The following DMD variants were observed in gnomAD, a reference collection of about 807,000 sequenced individuals.
The protein encoded by DMD is dystrophin.
In DMD, 63 loss-of-function variants were observed where a neutral mutation model predicts 330.1. The ratio of observed to expected loss-of-function variants is 0.19; its 90% CI spans 0.16 to 0.24. The LOEUF (loss-of-function observed/expected upper bound fraction) is 0.24, where lower values mean the gene tolerates loss of function less well. Among genes scored for constraint, DMD ranks in the 10% least tolerant of loss-of-function variants. DMD has a pLI of 1.00. For synonymous variants in DMD, 1,223 were observed against 959.8 expected, an observed-to-expected ratio of 1.27 and a Z score of -5.07; for missense variants, 3,344 against 2,684.1, an observed-to-expected ratio of 1.25 and a Z score of -5.43.
At chrX:32,358,730 G>T (rs780171009) in intron 37 of DMD, among the ~76,000 whole-genome samples, 1 of 111,020 alleles carries the variant, frequency 9.0e-6, no homozygotes, top group Non-Finnish European at 1.9e-5. Context: ...GACTCCAGTC[G>T]ATTACAGCAG....
chrX:32,089,334 C>T, intron 44 of DMD, among the ~76,000 whole-genome samples: 1 of 111,644 alleles, frequency 9.0e-6, no homozygotes, highest in Middle Eastern at 4.6e-3. Flanking sequence ...GTTTGCTATA[C>T]AGGTGAACTG....
chrX:31,984,337 G>A (rs1321415947), intron 44 of DMD, among the ~76,000 whole-genome samples: 1 of 112,220 alleles, frequency 8.9e-6, no homozygotes, highest in Non-Finnish European at 1.9e-5. Flanking sequence ...TTGTAAAGCT[G>A]CTATATTAGA....
At chrX:31,620,406 A>G (rs972402660) in intron 55 of DMD, among the ~76,000 whole-genome samples, 1 of 108,347 alleles carries the variant, frequency 9.2e-6, no homozygotes, top group Non-Finnish European at 1.9e-5. Context: ...TACTTTTTCC[A>G]TGACATAATT....
intron 1 of DMD, among the ~76,000 whole-genome samples, chrX:33,296,755 T>C (rs2053590158): frequency 9.0e-6 from 1 of 111,039 alleles, no homozygotes; most frequent in Non-Finnish European, 1.9e-5. Context: ...AACATATACA[T>C]AGCCCATATG....
chrX:32,059,146 TA>T (rs967811350), intron 44 of DMD, among the ~76,000 whole-genome samples: 2 of 111,086 alleles, frequency 1.8e-5, no homozygotes, highest in Admixed American at 9.6e-5. Flanking sequence ...CATGTAGGGT[TA>T]AAAAAATTAT....
rs759753860 is a variant in DMD at position 32,410,341 on chromosome X, C to A, written c.4233+1411G>T. On this transcript the variant is annotated intron_variant, in intron 30 of 78. Coordinates refer to ENST00000357033, the MANE Select transcript of DMD (RefSeq NM_004006.3). ...ATGCACTCCATAAGGAAATAATATT[C>A]CCTGGACTTTTTAAGCCTATCAAAA... Among the ~76,000 whole-genome samples the A allele has an allele frequency of 1.3e-4, 14 of 111,412 alleles. No individual in the cohort carries two copies. The South Asian group carries it at 4.5e-3, about 36-fold the overall frequency.
chrX:31,620,007 T>TG (rs964755130), intron 55 of DMD, among the ~76,000 whole-genome samples: 1 of 112,392 alleles, frequency 8.9e-6, no homozygotes, highest in Admixed American at 9.4e-5. Flanking sequence ...TTGTCCCCAT[T>TG]GACTCCCTTT....
At chrX:31,899,158 G>C in intron 47 of DMD, among the ~76,000 whole-genome samples, 1 of 111,755 alleles carries the variant, frequency 8.9e-6, no homozygotes, top group Non-Finnish European at 1.9e-5. Flanking sequence ...AAACTTTTAA[G>C]ATATGACCTT....
intron 38 of DMD, among the ~76,000 whole-genome samples, chrX:32,346,396 G>T (rs886656295): frequency 1.8e-5 from 2 of 111,131 alleles, no homozygotes; most frequent in Non-Finnish European, 3.8e-5. Context: ...CTTTTTTAGT[G>T]TAGTTCTAGA....
intron 3 of DMD, among the ~76,000 whole-genome samples, chrX:32,848,957 T>C (rs1365691424): frequency 9.0e-6 from 1 of 111,058 alleles, no homozygotes; most frequent in African/African-American, 3.3e-5. Flanking sequence ...AACGACAGCT[T>C]CAGTTTGTAT....
At chrX:33,189,925 C>T (rs767425023) in intron 1 of DMD, among the ~76,000 whole-genome samples, 1 of 112,073 alleles carries the variant, frequency 8.9e-6, no homozygotes, top group East Asian at 2.8e-4. Flanking sequence ...GTACATTTTA[C>T]TCAACTTCTA....
chrX:31,609,066 G>A (rs759706302), intron 55 of DMD, among the ~76,000 whole-genome samples: 1 of 112,153 alleles, frequency 8.9e-6, no homozygotes, highest in Non-Finnish European at 1.9e-5. Context: ...CGTGCTAGAT[G>A]ATTGTTATGT....
At chrX:31,551,049 G>A (rs187294351) in intron 55 of DMD, among the ~76,000 whole-genome samples, 8 of 110,315 alleles carry the variant, frequency 7.3e-5, no homozygotes, top group East Asian at 5.7e-4. Flanking sequence ...GTGTGGTGGC[G>A]CATGCCTGTA....
At chrX:32,346,304 G>T (rs985586184) in intron 38 of DMD, among the ~76,000 whole-genome samples, 2 of 111,338 alleles carry the variant, frequency 1.8e-5, no homozygotes, top group Non-Finnish European at 3.8e-5. Context: ...CACATTTTTA[G>T]GGGCACCTGT....
intron 63 of DMD, among the ~76,000 whole-genome samples, chrX:31,258,832 T>C (rs1176788171): frequency 1.8e-5 from 2 of 111,565 alleles, no homozygotes; most frequent in Non-Finnish European, 3.8e-5. Flanking sequence ...TGATAGTCCA[T>C]AATTAGCTTT....
At chrX:31,920,572 G>C (rs1422883479) in intron 47 of DMD, among the ~76,000 whole-genome samples, 2 of 112,191 alleles carry the variant, frequency 1.8e-5, no homozygotes, top group Admixed American at 1.9e-4. Context: ...CTTTTATTAT[G>C]TCATTTCTTC....
In DMD at chrX:31,478,667, T is replaced by A. The variant is rs769400107; in HGVS notation, c.8669-293A>T. On this transcript the variant is annotated intron_variant, in intron 58 of 78. Transcript: ENST00000357033. ...AATTTACTTCAGGCAGGCTCTTAAATGGAAAATTAACTTGTAGTCTTTGCA... is the reference window on the plus strand; with the variant it reads ...AATTTACTTCAGGCAGGCTCTTAAAAGGAAAATTAACTTGTAGTCTTTGCA... 2.7e-5 allele frequency among the ~76,000 whole-genome samples: 3 copies of A among 112,232 alleles called. No homozygotes were observed. The South Asian group carries it at 1.1e-3, about 42-fold the overall frequency.
chrX:31,365,459 G>A (rs2059180297), intron 60 of DMD, among the ~76,000 whole-genome samples: 1 of 111,990 alleles, frequency 8.9e-6, no homozygotes, highest in Non-Finnish European at 1.9e-5. Context: ...ATTGACCAGA[G>A]CTGCTGGGGA....
chrX:33,032,793 G>A (rs2094137618), intron 1 of DMD, among the ~76,000 whole-genome samples: 1 of 112,341 alleles, frequency 8.9e-6, no homozygotes, highest in African/African-American at 3.2e-5. Flanking sequence ...TACTGAGCCT[G>A]CTCATTTCCA....
Sources: allele counts gnomAD v4.1 joint callset (sites outside exome capture counted in the v4.1 genomes callset), GRCh38; gene constraint gnomAD v4.1.1; transcripts MANE v1.5; gene names NCBI Gene and HGNC (gene_info 2026-07-23, HGNC 2026-07-21).